Variants in SYN3 observed in about 807,000 individuals in gnomAD.
The protein encoded by SYN3 is synapsin III.
In SYN3, 35 loss-of-function variants were observed where a neutral mutation model predicts 65.8. The ratio of observed to expected loss-of-function variants is 0.53; its 90% confidence interval spans 0.41 to 0.70. SYN3 has a LOEUF of 0.70. Ranked by LOEUF, SYN3 falls within the 30% of genes least tolerant of loss-of-function variation. The pLI is 0.00. For missense variants in SYN3, 680 were observed against 749.0 expected (o/e 0.91, Z 1.08); for synonymous variants, 270 against 292.9 (o/e 0.92, Z 0.80).
chr22:32,536,771 G>C (rs948945913), intron 9 of SYN3, among the ~76,000 whole-genome samples: 1 of 152,192 alleles, frequency 6.6e-6, no homozygotes, highest in South Asian at 2.1e-4. Context: ...GAGCCTGCCT[G>C]GATGAAGCCA....
intron 6 of SYN3, among the ~76,000 whole-genome samples, chr22:32,789,193 C>T (rs1197505511): frequency 6.6e-6 from 1 of 152,214 alleles, no homozygotes; most frequent in Non-Finnish European, 1.5e-5. Flanking sequence ...AATGATTTTT[C>T]AACATGCCTT....
chr22:32,902,365 G>A (rs546732265), intron 4 of SYN3, among the ~76,000 whole-genome samples: 2 of 152,316 alleles, frequency 1.3e-5, no homozygotes, highest in East Asian at 3.9e-4. Context: ...CAGGAAGATG[G>A]GTGTGAGTTG....
chr22:32,906,170 G>A (rs890850308), intron 4 of SYN3, among the ~76,000 whole-genome samples: 3 of 152,180 alleles, frequency 2.0e-5, no homozygotes, highest in Non-Finnish European at 2.9e-5. Context: ...ACCTGGAAGA[G>A]AGAAACGTCT....
intron 6 of SYN3, among the ~76,000 whole-genome samples, chr22:32,768,199 G>T (rs551282258): frequency 1.3e-5 from 2 of 152,108 alleles, no homozygotes; most frequent in Non-Finnish European, 2.9e-5. Flanking sequence ...AGATAACCCA[G>T]CTCTGGCTTC....
chr22:32,766,156 C>T (rs1240673726), intron 6 of SYN3, among the ~76,000 whole-genome samples: 3 of 151,938 alleles, frequency 2.0e-5, no homozygotes, highest in Admixed American at 1.3e-4. Flanking sequence ...AAGACTGGGG[C>T]GTGGGTGAGA....
chr22:32,539,520 A>G (rs919583895), intron 8 of SYN3, among the ~76,000 whole-genome samples: 1 of 152,086 alleles, frequency 6.6e-6, no homozygotes, highest in African/African-American at 2.4e-5. Flanking sequence ...ACGGGTAAGG[A>G]TACACACATG....
At chr22:32,676,423 G>A (rs1478134737) in intron 6 of SYN3, among the ~76,000 whole-genome samples, 2 of 152,026 alleles carry the variant, frequency 1.3e-5, no homozygotes, top group African/African-American at 4.8e-5. Context: ...GAAGCCCGGA[G>A]GTGTGTGGAC....
chr22:32,693,057 C>T (rs563807798), intron 6 of SYN3, among the ~76,000 whole-genome samples: 2 of 152,138 alleles, frequency 1.3e-5, no homozygotes, highest in Admixed American at 1.3e-4. Flanking sequence ...CTCCTGAAAC[C>T]TCAGATAGTA....
At chr22:32,517,122 C>A (rs149426611) in intron 13 of SYN3, among the ~76,000 whole-genome samples, 1 of 152,206 alleles carries the variant, frequency 6.6e-6, no homozygotes, top group Non-Finnish European at 1.5e-5. Flanking sequence ...CTGTAGCCTG[C>A]CCTTTTGAGA....
intron 6 of SYN3, among the ~76,000 whole-genome samples, chr22:32,722,616 G>T: frequency 6.6e-6 from 1 of 152,208 alleles, no homozygotes; most frequent in East Asian, 1.9e-4. Context: ...TGGTGGCCGA[G>T]GCCAGTTTCC....
At chr22:32,513,986 T>C (rs2057729128) in intron 13 of SYN3, among the ~76,000 whole-genome samples, 162 bp from the exon 14 acceptor site, 1 of 152,214 alleles carries the variant, frequency 6.6e-6, no homozygotes, top group African/African-American at 2.4e-5. Flanking sequence ...TCAGGTACAT[T>C]ACACACATAA....
rs533167880 is a variant in SYN3, at chr22:32,797,868, G to A, written c.711+67047C>T. Among the ~76,000 whole-genome samples the A allele has an allele frequency of 1.3e-4, 20 of 152,324 alleles. No homozygotes were observed. The South Asian group carries it at 3.7e-3, about 28-fold the overall frequency. On this transcript the variant is annotated intron_variant, in intron 6 of 13. Coordinates refer to ENST00000358763, the MANE Select transcript of SYN3 (RefSeq NM_003490.4). ...GAATCTTGGAGTTTTTGAGGCGAGA[G>A]GGATCCTGGATACCACTGAGTTCTA...
chr22:32,965,696 T>C (rs181614821), intron 3 of SYN3, among the ~76,000 whole-genome samples: 110 of 152,164 alleles, frequency 7.2e-4, no homozygotes, highest in Admixed American at 5.9e-3. Flanking sequence ...TTTTCGTTGT[T>C]GTTGTTGTTG....
chr22:32,587,940 G>C (rs1009529384), intron 7 of SYN3, among the ~76,000 whole-genome samples: 18 of 152,090 alleles, frequency 1.2e-4, no homozygotes, highest in African/African-American at 4.3e-4. Flanking sequence ...GACTGCCTGA[G>C]GGTTGTGCCC....
chr22:32,865,606 C>T (rs1196293084), intron 5 of SYN3, among the ~76,000 whole-genome samples: 1 of 152,218 alleles, frequency 6.6e-6, no homozygotes, highest in Non-Finnish European at 1.5e-5. Flanking sequence ...TAAATATTTT[C>T]TCTGCTGTTG....
At chr22:32,685,992 G>A (rs1324012636) in intron 6 of SYN3, among the ~76,000 whole-genome samples, 1 of 152,098 alleles carries the variant, frequency 6.6e-6, no homozygotes, top group Non-Finnish European at 1.5e-5. Flanking sequence ...CATTTAATAT[G>A]ATCCCAATTT....
intron 6 of SYN3, among the ~76,000 whole-genome samples, chr22:32,816,942 C>T (rs372033249): frequency 4.6e-5 from 7 of 152,012 alleles, no homozygotes; most frequent in African/African-American, 1.2e-4. Flanking sequence ...TCTTTGGAGC[C>T]GGGCACAGCG....
intron 6 of SYN3, among the ~76,000 whole-genome samples, chr22:32,650,215 TTC>T (rs140464317): frequency 0.011 from 1,358 of 122,860 alleles, 93 homozygotes; most frequent in African/African-American, 0.041. Context: ...ACACTTTTCT[TTC>T]TCTCTCTCTC....
At chr22:32,736,077 C>G (rs1894454) in intron 6 of SYN3, among the ~76,000 whole-genome samples, 51,494 of 152,048 alleles carry the variant, frequency 0.34, 8,785 homozygotes, top group South Asian at 0.44. Context: ...GTTTTTGTTT[C>G]TTAATTTTAA....
Sources: gnomAD v4.1 joint callset for allele counts (sites outside exome capture counted in the v4.1 genomes callset) on GRCh38, gnomAD v4.1.1 for gene constraint, MANE v1.5 for transcripts, NCBI Gene and HGNC (gene_info 2026-07-23, HGNC 2026-07-21) for gene names.